The following CALCRL variants were observed in gnomAD, a reference collection of about 807,000 sequenced individuals.
CALCRL encodes calcitonin receptor like receptor.
Under a neutral mutation model 60.4 loss-of-function variants are expected in CALCRL, and 27 were observed. The ratio of observed to expected loss-of-function variants is 0.45; its 90% CI spans 0.33 to 0.62. The LOEUF is 0.62. Among genes scored for constraint, CALCRL ranks in the 20% least tolerant of loss-of-function variants. The probability of loss-of-function intolerance (pLI) is 0.03; values close to 1 mark genes in which losing one functional copy is unlikely to be tolerated. For synonymous variants in CALCRL, 190 were observed against 182.6 expected (o/e 1.04, Z -0.33); for missense variants, 424 against 540.7 (o/e 0.78, Z 2.14).
intron 1 of CALCRL, among the ~76,000 whole-genome samples, chr2:187,399,225 T>C (rs1411129227): frequency 6.6e-6 from 1 of 151,598 alleles, no homozygotes; most frequent in African/African-American, 2.4e-5. Flanking sequence ...CAAAGCACAT[T>C]CCATGCCCAG....
At position 187,345,278 on chromosome 2, in the gene CALCRL, T is replaced by C. The variant is rs1262823329; in HGVS notation, c.*906A>G. ...ATTTACAAGCTCATTTTTCACAATT[T>C]CTTTTTACAAAATTCCAAGAAAATA... is the stretch of plus-strand genomic sequence containing the variant. On this transcript the variant is annotated 3_prime_UTR_variant, in exon 15 of 15. Coordinates refer to ENST00000392370, the MANE Select transcript of CALCRL (RefSeq NM_005795.6). 1 of 152,284 alleles carries C rather than the reference T, an allele frequency of 6.6e-6. No individual in the cohort carries two copies. Among genetic ancestry groups the C allele is most frequent in the African/African-American group, 2.4e-5 (1 of 41,416 alleles). The allele number at this position is 152,284 out of a possible 1,614,324, so 9.4% of individuals were successfully genotyped here. A position where few individuals can be genotyped will look rare whatever the true frequency, so the allele number is the denominator to read the frequency against.
At chr2:187,392,888 G>T (rs1688508515) in intron 1 of CALCRL, among the ~76,000 whole-genome samples, 3 of 151,990 alleles carry the variant, frequency 2.0e-5, no homozygotes, top group Admixed American at 2.0e-4. Flanking sequence ...GTATGAAAAA[G>T]AAATTCCAGT....
chr2:187,433,899 G>A (rs547062292), intron 1 of CALCRL, among the ~76,000 whole-genome samples: 1 of 152,030 alleles, frequency 6.6e-6, no homozygotes. Context: ...AAACTTCAAT[G>A]CTTTCTATGA....
At chr2:187,421,049 G>A (rs1248042353) in intron 1 of CALCRL, among the ~76,000 whole-genome samples, 1 of 152,164 alleles carries the variant, frequency 6.6e-6, no homozygotes, top group African/African-American at 2.4e-5. Flanking sequence ...TGGTTACATA[G>A]ATCAGCAGCA....
chr2:187,363,384 T>C lies in CALCRL; in HGVS notation c.619A>G (p.Thr207Ala). The change falls in exon 9 of 15, where the codon ACA becomes GCA. Residue 207 changes from threonine (T) to alanine (A), a missense_variant. By Grantham distance (58) the Thr-to-Ala change is moderately conservative. This residue lies in a region of CALCRL where 43 missense variants were observed against 40.9 expected (regional missense o/e 1.05). Coordinates refer to ENST00000392370, the MANE Select transcript of CALCRL (RefSeq NM_005795.6). Reference sequence around the variant, plus strand: ...AATCTTGGTTTACTTACAGGATTTGTGGCTACTAAGGCCTGGTTGTTGGCC... The same window carrying C: ...AATCTTGGTTTACTTACAGGATTTGCGGCTACTAAGGCCTGGTTGTTGGCC... ...AVANNQALVA[T>A]NPVSCKVSQF... The C allele has an allele frequency of 6.2e-7, 1 of 1,610,016 alleles. No homozygotes were observed. The highest frequency in any genetic ancestry group is 1.1e-5 in the South Asian group (1 of 90,234).
intron 1 of CALCRL, among the ~76,000 whole-genome samples, chr2:187,426,063 A>G (rs1690104731): frequency 6.6e-6 from 1 of 151,752 alleles, no homozygotes; most frequent in African/African-American, 2.4e-5. Flanking sequence ...ATTTATTTTT[A>G]TACTTTAAAT....
chr2:187,430,227 C>T (rs974225203), intron 1 of CALCRL, among the ~76,000 whole-genome samples: 1 of 152,060 alleles, frequency 6.6e-6, no homozygotes, highest in African/African-American at 2.4e-5. Flanking sequence ...GATGAGTTCC[C>T]AAAGACATGC....
chr2:187,362,614 CATT>C (rs1184780832), intron 9 of CALCRL, among the ~76,000 whole-genome samples: 1 of 151,606 alleles, frequency 6.6e-6, no homozygotes, highest in Non-Finnish European at 1.5e-5. Context: ...ATCCCATAAA[CATT>C]ATAAAAGCAG....
At chr2:187,410,424 A>T (rs911626561) in intron 1 of CALCRL, among the ~76,000 whole-genome samples, 1 of 152,104 alleles carries the variant, frequency 6.6e-6, no homozygotes, top group Non-Finnish European at 1.5e-5. Context: ...AGAAAGAAAA[A>T]AAAAAGGACA....
At chr2:187,423,588 T>G (rs1049822594) in intron 1 of CALCRL, among the ~76,000 whole-genome samples, 2 of 151,996 alleles carry the variant, frequency 1.3e-5, no homozygotes, top group African/African-American at 4.8e-5. Context: ...ATGGCAAAAT[T>G]TACTCTAAAG....
chr2:187,392,968 G>A (rs1466407495), intron 1 of CALCRL, among the ~76,000 whole-genome samples: 1 of 152,136 alleles, frequency 6.6e-6, no homozygotes, highest in Non-Finnish European at 1.5e-5. Context: ...AAAGCAGTTA[G>A]TGAAACAAAA....
At chr2:187,369,918 A>G (rs1388601003) in intron 8 of CALCRL, among the ~76,000 whole-genome samples, 1 of 152,184 alleles carries the variant, frequency 6.6e-6, no homozygotes, top group East Asian at 1.9e-4. Flanking sequence ...CTGAGGGGCA[A>G]GAACAGGCCA....
chr2:187,352,652 A>G (rs12479177), intron 12 of CALCRL, among the ~76,000 whole-genome samples: 67,267 of 151,678 alleles, frequency 0.44, 15,893 homozygotes, highest in East Asian at 0.62. Context: ...TCTGTGGTCT[A>G]AAAACTAAAG....
Position 187,343,182 on chromosome 2 carries a change from G to A in CALCRL, c.*3002C>T, listed in dbSNP as rs1388888461. 1 of 151,356 alleles carries A rather than the reference G, an allele frequency of 6.6e-6. No individual in the cohort carries two copies. The highest frequency in any genetic ancestry group is 2.1e-4 in the South Asian group (1 of 4,812). The allele number at this position is 151,356 out of a possible 1,614,324, so 9.4% of individuals were successfully genotyped here. ...ACTGAAGACTTTAAAGAGGGCAAAA[G>A]ATATATTTTGTTAAGAGATTTGTTA... On this transcript the variant is annotated 3_prime_UTR_variant, in exon 15 of 15. Coordinates refer to ENST00000392370, the MANE Select transcript of CALCRL (RefSeq NM_005795.6).
At chr2:187,374,446 G>A (rs1014503308) in intron 8 of CALCRL, among the ~76,000 whole-genome samples, 1 of 152,066 alleles carries the variant, frequency 6.6e-6, no homozygotes, top group Non-Finnish European at 1.5e-5. Context: ...TAGAAAATAA[G>A]TAAAATTAGG....
chr2:187,382,513 GT>G (rs891388504), intron 5 of CALCRL, among the ~76,000 whole-genome samples: 2 of 152,128 alleles, frequency 1.3e-5, no homozygotes, highest in Non-Finnish European at 2.9e-5. Context: ...TTTACTGTGA[GT>G]TTTACATTTG....
At chr2:187,405,387 C>T (rs1689073093) in intron 1 of CALCRL, among the ~76,000 whole-genome samples, 1 of 151,950 alleles carries the variant, frequency 6.6e-6, no homozygotes, top group African/African-American at 2.4e-5. Flanking sequence ...TCTCCAAAAT[C>T]ACTTGTTTTC....
intron 1 of CALCRL, chr2:187,415,630 C>T: frequency 1.6e-6 from 1 of 616,200 alleles, no homozygotes; most frequent in Non-Finnish European, 3.0e-6. Flanking sequence ...GGTGGTGAAC[C>T]AGGCATCGGA....
intron 12 of CALCRL, among the ~76,000 whole-genome samples, chr2:187,355,317 G>A (rs750811468): frequency 6.6e-6 from 1 of 152,016 alleles, no homozygotes; most frequent in South Asian, 2.1e-4. Context: ...CAGTCTCAGG[G>A]TACAACTTAA....
Sources: gnomAD v4.1 joint callset for allele counts (sites outside exome capture counted in the v4.1 genomes callset) on GRCh38, gnomAD v4.1.1 for gene constraint, gnomAD v4.1.1 regional missense constraint, MANE v1.5 for transcripts, NCBI Gene and HGNC (gene_info 2026-07-23, HGNC 2026-07-21) for gene names.